The following KIR2DL4 variants were observed in gnomAD, a reference collection of about 807,000 sequenced individuals.
KIR2DL4 encodes the protein killer cell immunoglobulin-like receptor 2DL4.
In KIR2DL4, 41 loss-of-function variants were observed where a neutral mutation model predicts 31.0. That is an observed-to-expected ratio of 1.32 (90% confidence interval 1.03 to 1.72). KIR2DL4 has a LOEUF of 1.72. Ranked by LOEUF, KIR2DL4 falls within the 40% of genes most tolerant of loss-of-function variation. KIR2DL4 has a pLI of 0.00. For missense variants in KIR2DL4, 438 were observed against 353.7 expected, an observed-to-expected ratio of 1.24 and a Z score of -1.91; for synonymous variants, 164 against 133.6, an observed-to-expected ratio of 1.23 and a Z score of -1.57.
At chr19:54,807,731 C>T (rs2060612746) in intron 4 of KIR2DL4, among the ~76,000 whole-genome samples, 1 of 149,172 alleles carries the variant, frequency 6.7e-6, no homozygotes, top group Non-Finnish European at 1.5e-5. Context: ...AGACACAGTG[C>T]CTAATCTCTT....
chr19:54,812,944 A>G (rs747982893), intron 5 of KIR2DL4, among the ~76,000 whole-genome samples: 10 of 143,334 alleles, frequency 7.0e-5, no homozygotes, highest in Non-Finnish European at 7.5e-5. Flanking sequence ...TCATCAGCAC[A>G]TTCTATTGTT....
chr19:54,803,823 C>A, intron 1 of KIR2DL4, 68 bp from the exon 2 acceptor site: 2 of 1,567,210 alleles, frequency 1.3e-6, no homozygotes, highest in South Asian at 1.1e-5. Context: ...AGCGTGGCGC[C>A]CAGTGGCTCA....
chr19:54,804,995 G>C (rs2060420694), exon 3 of KIR2DL4: 2 of 1,611,916 alleles, frequency 1.2e-6, no homozygotes, highest in Non-Finnish European at 1.7e-6. Flanking sequence ...CACACGCAGG[G>C]ACCTACAGAT....
At chr19:54,814,107 T>A (rs1201635056) in exon 8 of KIR2DL4, 1 of 1,610,730 alleles carries the variant, frequency 6.2e-7, no homozygotes, top group Non-Finnish European at 8.5e-7. Flanking sequence ...GCAGCTGGAA[T>A]CTGAAGGCGT....
chr19:54,811,196 G>A lies in KIR2DL4; in HGVS notation c.707-1929G>A, dbSNP rs1361962170. On this transcript the variant is annotated intron_variant, in intron 5 of 7. Transcript: ENST00000359085. ...CTGGATCAAGTGAGATCAGGAGTTC[G>A]AGATCAGCCTGGACAACATGGTGAA... Among the ~76,000 whole-genome samples, 16 of 150,890 alleles carry A rather than the reference G, an allele frequency of 1.1e-4. 2 individuals are homozygous for A. The highest frequency in any genetic ancestry group is 7.4e-5 in the African/African-American group (3 of 40,734).
chr19:54,812,102 C>G (rs1381775651), intron 5 of KIR2DL4, among the ~76,000 whole-genome samples: 2 of 151,266 alleles, frequency 1.3e-5, no homozygotes, highest in Non-Finnish European at 2.9e-5. Context: ...CCAGTCCAGT[C>G]TTCCCAGAGA....
chr19:54,810,708 A>G (rs2060814276), intron 5 of KIR2DL4, among the ~76,000 whole-genome samples: 1 of 151,154 alleles, frequency 6.6e-6, no homozygotes, highest in South Asian at 2.1e-4. Flanking sequence ...ACAGGAAACT[A>G]AGGAGCAACA....
chr19:54,805,871 C>A (rs111545054), intron 3 of KIR2DL4, 80 bp from the exon 4 acceptor site: 1 of 1,257,770 alleles, frequency 8.0e-7, no homozygotes, highest in Non-Finnish European at 1.1e-6. Flanking sequence ...TAGAGCAGGG[C>A]AGTGAGTTCT....
At chr19:54,813,215 G>A (rs2060978451) in exon 6 of KIR2DL4, 5 of 1,522,132 alleles carry the variant, frequency 3.3e-6, no homozygotes, top group Non-Finnish European at 4.4e-6. Flanking sequence ...CATCGCTGGT[G>A]CTCCAAAAAA....
At position 54,808,957 on chromosome 19, in the gene KIR2DL4, T is replaced by C. The variant is rs2060692957; in HGVS notation, c.706+74T>C. 4.3e-6 allele frequency: 5 copies of C among 1,168,888 alleles called. 1 individual carries two copies. The highest frequency in any genetic ancestry group is 1.7e-5 in the Admixed American group (1 of 59,184). The allele number at this position is 1,168,888 out of a possible 1,614,324, so 72.4% of individuals were successfully genotyped here. A position where few individuals can be genotyped will look rare whatever the true frequency, so the allele number is the denominator to read the frequency against. The stretch of plus-strand genomic sequence containing the variant: ...AGAAGCCTTGGATTCAAGCGTTGGC[T>C]CAGCACCTGCCAGCTCTGTGATTGT... On this transcript the variant is annotated intron_variant, in intron 5 of 7. Transcript: ENST00000359085.
Position 54,814,116 on chromosome 19 carries a change from G to A in KIR2DL4, c.*316G>A, listed in dbSNP as rs370869656. On this transcript the variant is annotated 3_prime_UTR_variant, in exon 8 of 8. Coordinates refer to ENST00000359085, the Ensembl canonical transcript of KIR2DL4. The stretch of plus-strand genomic sequence containing the variant: ...GTACCAGCAGCTGGAATCTGAAGGC[G>A]TGAGTCTCCATCTTAGAGCATCACT... 16,509 of 1,608,478 alleles carry A rather than the reference G, an allele frequency of 0.01. 369 individuals carry two copies. The highest frequency in any genetic ancestry group is 0.014 in the Middle Eastern group (83 of 6,004).
intron 5 of KIR2DL4, among the ~76,000 whole-genome samples, chr19:54,812,901 G>C (rs1309175145): frequency 1.9e-4 from 28 of 144,556 alleles, no homozygotes; most frequent in Non-Finnish European, 2.7e-4. Context: ...GTGGGGTTTG[G>C]AGGGGTCAAA....
At chr19:54,805,820 T>TG (rs1216729602) in intron 3 of KIR2DL4, 131 bp from the exon 4 acceptor site, 3 of 842,952 alleles carry the variant, frequency 3.6e-6, no homozygotes, top group African/African-American at 3.6e-5. Context: ...CAGGAAGAGT[T>TG]GGGGGTGGAG....
intron 5 of KIR2DL4, among the ~76,000 whole-genome samples, chr19:54,811,284 G>C (rs1381970573): frequency 6.6e-6 from 1 of 150,882 alleles, no homozygotes; most frequent in Non-Finnish European, 1.5e-5. Flanking sequence ...TGTAATACCA[G>C]CTATTCGGGA....
Position 54,813,416 on chromosome 19 carries a change from G to C in KIR2DL4, c.810+188G>C, listed in dbSNP as rs372003550. ...TCAGCTCACAGACCGTTGCCTGATTGTGAACTGTATCCTCACGTCCCCTGC... is the reference window on the plus strand; with the variant it reads ...TCAGCTCACAGACCGTTGCCTGATTCTGAACTGTATCCTCACGTCCCCTGC... On this transcript the variant is annotated intron_variant, in intron 6 of 7. Transcript: ENST00000359085. 1.0e-4 allele frequency: 84 copies of C among 834,428 alleles called. 4 individuals are homozygous for C. Among genetic ancestry groups the C allele is most frequent in the African/African-American group, 1.7e-4 (9 of 53,886 alleles). The allele number at this position is 834,428 out of a possible 1,614,324, so 51.7% of individuals were successfully genotyped here. A position where few individuals can be genotyped will look rare whatever the true frequency, so the allele number is the denominator to read the frequency against.
At chr19:54,803,638 G>A (rs747425474) in exon 1 of KIR2DL4, 4 of 1,612,124 alleles carry the variant, frequency 2.5e-6, no homozygotes, top group Non-Finnish European at 3.4e-6. Flanking sequence ...CGTCCTGGCA[G>A]CAGAAGCTGC....
At chr19:54,813,928 TC>T in exon 8 of KIR2DL4, 1 of 1,612,430 alleles carries the variant, frequency 6.2e-7, no homozygotes, top group Non-Finnish European at 8.5e-7. Context: ...CTGGCCCTTC[TC>T]AGAGGAGCAA....
exon 8 of KIR2DL4, chr19:54,814,101 C>G: frequency 6.2e-7 from 1 of 1,611,218 alleles, no homozygotes; most frequent in Non-Finnish European, 8.5e-7. Flanking sequence ...GTACCAGCAG[C>G]TGGAATCTGA....
At chr19:54,811,983 T>C (rs1009156382) in intron 5 of KIR2DL4, among the ~76,000 whole-genome samples, 8 of 151,404 alleles carry the variant, frequency 5.3e-5, no homozygotes, top group Admixed American at 3.3e-4. Context: ...ACCTCACTTA[T>C]GTTGATTTCA....
Sources: gnomAD v4.1 joint callset for allele counts (sites outside exome capture counted in the v4.1 genomes callset) on GRCh38, gnomAD v4.1.1 for gene constraint, MANE v1.5 for transcripts, NCBI Gene and HGNC (gene_info 2026-07-23, HGNC 2026-07-21) for gene names.